Variants in MARCHF4 observed in about 807,000 individuals in gnomAD.
MARCHF4 encodes membrane associated ring-CH-type finger 4, also known as E3 ubiquitin-protein ligase MARCHF4.
In MARCHF4, 14 loss-of-function variants were observed where a neutral mutation model predicts 43.9. The ratio of observed to expected loss-of-function variants is 0.32; its 90% confidence interval spans 0.21 to 0.50. MARCHF4 has a LOEUF of 0.50. MARCHF4 is among the 20% of genes least tolerant of loss of function. The pLI is 0.98. For synonymous variants in MARCHF4, 226 were observed against 213.3 expected (o/e 1.06, Z -0.52); for missense variants, 468 against 536.7 (o/e 0.87, Z 1.27).
At chr2:216,267,707 C>A (rs1318838902) in intron 3 of MARCHF4, among the ~76,000 whole-genome samples, 1 of 152,178 alleles carries the variant, frequency 6.6e-6, no homozygotes, top group East Asian at 1.9e-4. Context: ...CTGGCTTGAG[C>A]TTCCACCTTA....
chr2:216,331,291 A>T (rs1043586955), intron 1 of MARCHF4, among the ~76,000 whole-genome samples: 4 of 151,944 alleles, frequency 2.6e-5, no homozygotes, highest in Admixed American at 6.6e-5. Flanking sequence ...AGCACAATTT[A>T]AAAAAAACAA....
intron 1 of MARCHF4, among the ~76,000 whole-genome samples, chr2:216,302,245 G>C (rs1174419781): frequency 6.6e-6 from 1 of 151,992 alleles, no homozygotes; most frequent in African/African-American, 2.4e-5. Flanking sequence ...TTGAGACGGA[G>C]TCTCGCTCTG....
intron 1 of MARCHF4, among the ~76,000 whole-genome samples, chr2:216,362,245 G>T (rs1692593454): frequency 6.6e-6 from 1 of 152,084 alleles, no homozygotes; most frequent in Admixed American, 6.5e-5. Context: ...AGATTGCAAG[G>T]GGTCATCCAT....
intron 1 of MARCHF4, 47 bp from the exon 2 acceptor site, chr2:216,283,776 T>C: frequency 1.3e-6 from 2 of 1,526,948 alleles, no homozygotes; most frequent in Non-Finnish European, 1.8e-6. Context: ...CTACAGTGGC[T>C]GGTGGGTGAG....
intron 1 of MARCHF4, among the ~76,000 whole-genome samples, chr2:216,327,317 CAATATATA>C: frequency 6.6e-6 from 1 of 151,972 alleles, no homozygotes; most frequent in Non-Finnish European, 1.5e-5. Flanking sequence ...AATTATATTA[CAATATATA>C]ATCTATCCAT....
At chr2:216,301,816 T>G (rs1691496884) in intron 1 of MARCHF4, among the ~76,000 whole-genome samples, 1 of 152,234 alleles carries the variant, frequency 6.6e-6, no homozygotes, top group South Asian at 2.1e-4. Flanking sequence ...CTTAGTTTTC[T>G]AATTATTAAA....
chr2:216,369,593 A>C (rs530597334), intron 1 of MARCHF4, 152 bp downstream of exon 1: 3 of 622,640 alleles, frequency 4.8e-6, no homozygotes, highest in Non-Finnish European at 7.9e-6. Flanking sequence ...TCATTGGGCA[A>C]ACTTAACCAC....
chr2:216,352,013 T>C (rs755001339), intron 1 of MARCHF4, among the ~76,000 whole-genome samples: 3 of 152,200 alleles, frequency 2.0e-5, no homozygotes, highest in African/African-American at 4.8e-5. Context: ...CTATGGGGTA[T>C]GTGCTGCATT....
intron 1 of MARCHF4, among the ~76,000 whole-genome samples, chr2:216,307,414 AC>A (rs1454290704): frequency 2.0e-5 from 3 of 151,880 alleles, no homozygotes; most frequent in Admixed American, 1.3e-4. Context: ...CTATTTTTAA[AC>A]CCTTGCTAGG....
intron 1 of MARCHF4, among the ~76,000 whole-genome samples, chr2:216,307,745 G>C (rs1405594623): frequency 6.6e-6 from 1 of 152,180 alleles, no homozygotes; most frequent in Non-Finnish European, 1.5e-5. Flanking sequence ...CAGGGTAAGG[G>C]AAAAGGATCA....
chr2:216,331,984 A>G (rs1021919378), intron 1 of MARCHF4, among the ~76,000 whole-genome samples: 10 of 152,372 alleles, frequency 6.6e-5, no homozygotes, highest in Admixed American at 2.6e-4. Context: ...TAAAACAATA[A>G]AAACAAATAT....
In MARCHF4 at chr2:216,371,498, C is replaced by A. The variant is rs1692764358; in HGVS notation, c.-1238G>T. The A allele has an allele frequency of 6.6e-6, 1 of 152,366 alleles. No homozygotes were observed. The highest frequency in any genetic ancestry group is 2.1e-4 in the South Asian group (1 of 4,830). The allele number at this position is 152,366 out of a possible 1,614,324, so 9.4% of individuals were successfully genotyped here. A position where few individuals can be genotyped will look rare whatever the true frequency, so the allele number is the denominator to read the frequency against. On this transcript the variant is annotated 5_prime_UTR_variant, in exon 1 of 4. Transcript: ENST00000273067. ...GCAGCTGCTGCTGCGGCGGCGGAGG[C>A]GACTGCTGCTCGGCGTCCGGGTGTC...
chr2:216,343,355 T>G (rs1343105847), intron 1 of MARCHF4, among the ~76,000 whole-genome samples: 5 of 152,244 alleles, frequency 3.3e-5, no homozygotes, highest in African/African-American at 1.2e-4. Flanking sequence ...TCCCTCTTGC[T>G]GTATTCTTAC....
intron 1 of MARCHF4, among the ~76,000 whole-genome samples, chr2:216,328,330 C>CG: frequency 6.6e-6 from 1 of 152,248 alleles, no homozygotes; most frequent in South Asian, 2.1e-4. Flanking sequence ...CCACCATGCC[C>CG]GGCTAATTTT....
At chr2:216,356,318 A>G (rs746431005) in intron 1 of MARCHF4, among the ~76,000 whole-genome samples, 4 of 152,328 alleles carry the variant, frequency 2.6e-5, no homozygotes, top group Non-Finnish European at 5.9e-5. Flanking sequence ...AGCATGCAGT[A>G]TACTTATACC....
At chr2:216,276,975 T>C (rs1691034792) in intron 3 of MARCHF4, among the ~76,000 whole-genome samples, 1 of 152,180 alleles carries the variant, frequency 6.6e-6, no homozygotes, top group African/African-American at 2.4e-5. Flanking sequence ...GTTCCAATTT[T>C]TTTTTTCTAA....
At chr2:216,316,925 C>CA (rs976030245) in intron 1 of MARCHF4, among the ~76,000 whole-genome samples, 3 of 152,128 alleles carry the variant, frequency 2.0e-5, no homozygotes, top group Non-Finnish European at 4.4e-5. Context: ...ACATTTTGCT[C>CA]AACAGGAGTG....
At chr2:216,357,478 G>A (rs1399848578) in intron 1 of MARCHF4, among the ~76,000 whole-genome samples, 1 of 152,138 alleles carries the variant, frequency 6.6e-6, no homozygotes, top group Non-Finnish European at 1.5e-5. Context: ...GTACCACCAT[G>A]CTTGGCTAAT....
chr2:216,365,319 T>C (rs1198415511), intron 1 of MARCHF4, among the ~76,000 whole-genome samples: 1 of 152,216 alleles, frequency 6.6e-6, no homozygotes, highest in Non-Finnish European at 1.5e-5. Context: ...AAAGGCAGAT[T>C]AAGCCTGCTA....
Sources: allele counts gnomAD v4.1 joint callset (sites outside exome capture counted in the v4.1 genomes callset), GRCh38; gene constraint gnomAD v4.1.1; transcripts MANE v1.5; gene names NCBI Gene and HGNC (gene_info 2026-07-23, HGNC 2026-07-21).